Variants in TMEM108 observed in about 807,000 individuals in gnomAD.
TMEM108 encodes transmembrane protein 108, also known as cancer/testis antigen 124.
In TMEM108, 12 loss-of-function variants were observed where a neutral mutation model predicts 35.1. The observed-to-expected ratio is 0.34, with a 90% CI of 0.22 to 0.55. The LOEUF (loss-of-function observed/expected upper bound fraction) is 0.55, where lower values mean the gene tolerates loss of function less well. Among genes scored for constraint, TMEM108 ranks in the 20% least tolerant of loss-of-function variants. The probability of loss-of-function intolerance (pLI) is 0.89; values close to 1 mark genes in which losing one functional copy is unlikely to be tolerated. For synonymous variants in TMEM108, 287 were observed against 308.6 expected (o/e 0.93, Z 0.73); for missense variants, 680 against 753.3 (o/e 0.90, Z 1.14).
At chr3:133,286,272 A>C (rs763409833) in intron 3 of TMEM108, among the ~76,000 whole-genome samples, 9 of 152,214 alleles carry the variant, frequency 5.9e-5, no homozygotes, top group Non-Finnish European at 4.4e-5. Flanking sequence ...GAACAAACAC[A>C]TAATTGGGAG....
intron 3 of TMEM108, among the ~76,000 whole-genome samples, chr3:133,290,461 A>G (rs1947047606): frequency 6.6e-6 from 1 of 152,072 alleles, no homozygotes; most frequent in Admixed American, 6.5e-5. Flanking sequence ...GCTCTACTAA[A>G]AATACAAAAC....
intron 3 of TMEM108, among the ~76,000 whole-genome samples, chr3:133,231,408 G>A (rs1472112622): frequency 6.6e-6 from 1 of 152,148 alleles, no homozygotes; most frequent in Admixed American, 6.6e-5. Context: ...CCACTGCAGA[G>A]TGTTTGGGAC....
At chr3:133,117,991 T>C (rs1300074984) in intron 2 of TMEM108, among the ~76,000 whole-genome samples, 1 of 152,090 alleles carries the variant, frequency 6.6e-6, no homozygotes, top group African/African-American at 2.4e-5. Flanking sequence ...ATGAGGCCTT[T>C]TTGGGGGAGG....
chr3:133,265,033 C>G (rs1285235402), intron 3 of TMEM108, among the ~76,000 whole-genome samples: 1 of 152,202 alleles, frequency 6.6e-6, no homozygotes, highest in East Asian at 1.9e-4. Flanking sequence ...CAGCACTCAC[C>G]ACAGTCATCT....
At chr3:133,273,985 A>G (rs994944181) in intron 3 of TMEM108, among the ~76,000 whole-genome samples, 5 of 152,332 alleles carry the variant, frequency 3.3e-5, no homozygotes, top group Middle Eastern at 3.4e-3. Flanking sequence ...TATTTTACTA[A>G]TGAAGAAACT....
chr3:133,379,157 G>A (rs978347710), intron 3 of TMEM108, among the ~76,000 whole-genome samples: 1 of 152,226 alleles, frequency 6.6e-6, no homozygotes, highest in African/African-American at 2.4e-5. Context: ...CCAGGGTCAG[G>A]GAGAGGGTTG....
intron 2 of TMEM108, among the ~76,000 whole-genome samples, chr3:133,090,352 A>T (rs574828815): frequency 2.5e-4 from 38 of 152,318 alleles, no homozygotes; most frequent in African/African-American, 9.1e-4. Flanking sequence ...GATAAACATA[A>T]CAATTCTTCA....
intron 2 of TMEM108, among the ~76,000 whole-genome samples, chr3:133,181,025 A>AAAAAAAC (rs1945333334): frequency 6.9e-6 from 1 of 145,204 alleles, no homozygotes; most frequent in Non-Finnish European, 1.5e-5. Flanking sequence ...AAAAAAAAAA[A>AAAAAAAC]AAAAAAAAAA....
chr3:133,043,644 G>A (rs577352820), intron 1 of TMEM108, among the ~76,000 whole-genome samples: 1 of 152,110 alleles, frequency 6.6e-6, no homozygotes, highest in African/African-American at 2.4e-5. Context: ...TTGATTTCCA[G>A]ATGTTCAGTT....
chr3:133,353,693 G>T lies in TMEM108; in HGVS notation c.41-26059G>T, dbSNP rs369879183. On this transcript the variant is annotated intron_variant, in intron 3 of 5. Transcript: ENST00000321871. ...GATTTGAGATTTTAGTTGGGGGAAA[G>T]AAAGGTGGTACAAGTGGGAGGAAGT... Among the ~76,000 whole-genome samples the T allele has an allele frequency of 3.9e-5, 6 of 152,198 alleles. No homozygotes were observed. The South Asian group carries it at 1.0e-3, about 26-fold the overall frequency.
rs201358016 is a variant in TMEM108 at position 133,219,870 on chromosome 3, CT to C, written c.-46-9393del. ...TAAAATGTAGTTTAAGTCAATGTTT[CT>C]TTCTTAATCTTCTGTCTGGATATCC... On this transcript the variant is annotated intron_variant, in intron 2 of 5. Coordinates refer to ENST00000321871, the MANE Select transcript of TMEM108 (RefSeq NM_023943.4). Among the ~76,000 whole-genome samples, 447 of 152,200 alleles carry C rather than the reference CT, an allele frequency of 2.9e-3. 18 individuals carry two copies. The East Asian group carries it at 0.071, about 24-fold the overall frequency.
At chr3:133,242,263 A>G (rs947806480) in intron 3 of TMEM108, among the ~76,000 whole-genome samples, 4 of 152,174 alleles carry the variant, frequency 2.6e-5, no homozygotes, top group Non-Finnish European at 5.9e-5. Context: ...CATTCAATCA[A>G]CTACACTGTG....
chr3:133,095,894 C>T (rs1944006806), intron 2 of TMEM108, among the ~76,000 whole-genome samples: 1 of 152,170 alleles, frequency 6.6e-6, no homozygotes, highest in South Asian at 2.1e-4. Context: ...TTTGGGACCC[C>T]TGCCATAGAA....
intron 2 of TMEM108, among the ~76,000 whole-genome samples, chr3:133,225,721 G>C (rs1324548962): frequency 6.6e-6 from 1 of 151,124 alleles, no homozygotes; most frequent in African/African-American, 2.4e-5. Flanking sequence ...CAAGTAACAA[G>C]TCTTTTTAAA....
At chr3:133,319,085 C>G (rs1166288460) in intron 3 of TMEM108, among the ~76,000 whole-genome samples, 4 of 152,020 alleles carry the variant, frequency 2.6e-5, no homozygotes, top group African/African-American at 4.8e-5. Context: ...CTGGCTTTCC[C>G]CCACTTCCCT....
intron 3 of TMEM108, among the ~76,000 whole-genome samples, chr3:133,340,587 CA>C (rs35913205): frequency 6.6e-6 from 1 of 150,852 alleles, no homozygotes; most frequent in East Asian, 1.9e-4. Context: ...ACCCTGATAC[CA>C]AAACCAGACA....
intron 2 of TMEM108, among the ~76,000 whole-genome samples, chr3:133,224,548 C>G (rs1946040008): frequency 6.6e-6 from 1 of 152,210 alleles, no homozygotes; most frequent in South Asian, 2.1e-4. Context: ...GTGGTTTTCC[C>G]TATACTGTTC....
At chr3:133,301,371 T>C (rs1947222788) in intron 3 of TMEM108, among the ~76,000 whole-genome samples, 1 of 152,156 alleles carries the variant, frequency 6.6e-6, no homozygotes, top group African/African-American at 2.4e-5. Flanking sequence ...CGCAGGAAAG[T>C]GGAAAATGCA....
chr3:133,040,394 G>A (rs1447604741), intron 1 of TMEM108, among the ~76,000 whole-genome samples: 1 of 151,902 alleles, frequency 6.6e-6, no homozygotes, highest in Admixed American at 6.6e-5. Context: ...TAGTAAAGAC[G>A]GGGTTTCACC....
Sources: allele counts gnomAD v4.1 joint callset (sites outside exome capture counted in the v4.1 genomes callset), GRCh38; gene constraint gnomAD v4.1.1; transcripts MANE v1.5; gene names NCBI Gene and HGNC (gene_info 2026-07-23, HGNC 2026-07-21).